KLHL3: variants seen among roughly 807,000 people sequenced by gnomAD.
KLHL3 encodes kelch-like protein 3.
In KLHL3, 19 loss-of-function variants were observed where a neutral mutation model predicts 70.5. The observed-to-expected ratio is 0.27, with a 90% CI of 0.19 to 0.40. The LOEUF (loss-of-function observed/expected upper bound fraction) is 0.40. KLHL3 is among the 10% of genes least tolerant of loss of function. The pLI, the probability that KLHL3 is intolerant of heterozygous loss-of-function variation, is 1.00. For missense variants in KLHL3, 512 were observed against 771.1 expected (o/e 0.66, Z 3.98); for synonymous variants, 258 against 290.3 (o/e 0.89, Z 1.13).
chr5:137,674,172 TACCATTAC>T (rs1446325742), intron 6 of KLHL3, among the ~76,000 whole-genome samples: 2 of 152,324 alleles, frequency 1.3e-5, no homozygotes, highest in South Asian at 2.1e-4. Context: ...GATACTATAC[TACCATTAC>T]TCACCTTTTA....
chr5:137,720,890 T>C, intron 1 of KLHL3: 1 of 1,146,128 alleles, frequency 8.7e-7, no homozygotes, highest in Non-Finnish European at 1.1e-6. Flanking sequence ...ACTCTATCAC[T>C]CACTTCACAG....
chr5:137,656,573 A>T (rs571243430), intron 8 of KLHL3, among the ~76,000 whole-genome samples: 1 of 152,376 alleles, frequency 6.6e-6, no homozygotes, highest in African/African-American at 2.4e-5. Flanking sequence ...ACATATGTCT[A>T]TAATTAAAGA....
At chr5:137,712,452 C>T (rs888928410) in intron 2 of KLHL3, among the ~76,000 whole-genome samples, 3 of 152,170 alleles carry the variant, frequency 2.0e-5, no homozygotes, top group African/African-American at 7.2e-5. Context: ...GAAACACTAA[C>T]CTGGGAAATT....
chr5:137,693,757 G>T (rs1175225697), intron 4 of KLHL3, among the ~76,000 whole-genome samples: 1 of 152,162 alleles, frequency 6.6e-6, no homozygotes, highest in Admixed American at 6.5e-5. Context: ...GAGAGTGACT[G>T]AGCCAGCTAC....
At chr5:137,689,630 A>G (rs1561607340) in intron 5 of KLHL3, among the ~76,000 whole-genome samples, 1 of 152,228 alleles carries the variant, frequency 6.6e-6, no homozygotes, top group Admixed American at 6.5e-5. Context: ...CTGGGTGCCT[A>G]TGGACATAAA....
chr5:137,639,893 T>C lies in KLHL3; in HGVS notation c.988A>G (p.Ile330Val), dbSNP rs751773883. The change falls in exon 9 of 15, where the codon ATT (isoleucine) becomes GTT (valine). Residue 330 changes from isoleucine to valine, a missense_variant. Coordinates refer to ENST00000309755, the MANE Select transcript of KLHL3 (RefSeq NM_017415.3). The surrounding 1 kb of genome is among the most constrained non-coding windows in gnomAD (Gnocchi z 5.0). ...YDFEEDRWDQ[I>V]AELPSRRCRA... ...CATCTTCTGGAAGGAAGCTCAGCAA[T>C]CTGATCCCACCGGTCCTCCTCGAAA... The C allele has an allele frequency of 1.2e-6, 2 of 1,614,122 alleles. No homozygotes were observed. The highest frequency in any genetic ancestry group is 1.7e-5 in the Admixed American group (1 of 60,022).
intron 13 of KLHL3, among the ~76,000 whole-genome samples, chr5:137,627,352 T>C (rs1206416818): frequency 2.0e-5 from 3 of 152,146 alleles, no homozygotes; most frequent in Non-Finnish European, 2.9e-5. Flanking sequence ...ACATCTAAAC[T>C]GAATTCCCAG....
intron 3 of KLHL3, chr5:137,706,194 A>G (rs1209312920): frequency 1.5e-5 from 15 of 985,310 alleles, no homozygotes; most frequent in Non-Finnish European, 1.8e-5. Context: ...GTAAAAGACC[A>G]TAATCACACA....
intron 8 of KLHL3, among the ~76,000 whole-genome samples, chr5:137,641,757 A>C (rs549314525): frequency 6.6e-6 from 1 of 152,304 alleles, no homozygotes; most frequent in East Asian, 1.9e-4. Context: ...GACTTAGTCC[A>C]TAGCTGTCTG....
intron 6 of KLHL3, among the ~76,000 whole-genome samples, chr5:137,662,808 G>A (rs1751514905): frequency 6.6e-6 from 1 of 152,172 alleles, no homozygotes; most frequent in Non-Finnish European, 1.5e-5. Flanking sequence ...GGGGAGGGAA[G>A]TATTGGCAAT....
chr5:137,663,344 A>ACCAGCC (rs1751533475), intron 6 of KLHL3, among the ~76,000 whole-genome samples: 1 of 151,910 alleles, frequency 6.6e-6, no homozygotes, highest in Non-Finnish European at 1.5e-5. Context: ...AGCGTGAGCC[A>ACCAGCC]CCAGCCCCAG....
At position 137,735,695 on chromosome 5, in the gene KLHL3, G is replaced by A; in HGVS notation, c.-49C>T. The A allele has an allele frequency of 6.2e-7, 1 of 1,613,902 alleles. No individual in the cohort carries two copies. The highest frequency in any genetic ancestry group is 8.5e-7 in the Non-Finnish European group (1 of 1,179,790). On this transcript the variant is annotated 5_prime_UTR_variant, in exon 1 of 15. Transcript: ENST00000309755. Reference sequence around the variant, plus strand: ...TAGCTGCTGAACTGTGTATGCACTCGGGGATCCTAGTTCTGTTCTTGATTC... The same window carrying A: ...TAGCTGCTGAACTGTGTATGCACTCAGGGATCCTAGTTCTGTTCTTGATTC...
intron 4 of KLHL3, among the ~76,000 whole-genome samples, chr5:137,693,858 C>T (rs1433381501): frequency 1.3e-5 from 2 of 151,200 alleles, no homozygotes; most frequent in Non-Finnish European, 2.9e-5. Flanking sequence ...TTGAAAAAGA[C>T]TTCTTTTTTT....
chr5:137,656,282 A>T (rs1399155734), intron 8 of KLHL3, among the ~76,000 whole-genome samples: 1 of 152,188 alleles, frequency 6.6e-6, no homozygotes. Context: ...ATAGTGCATA[A>T]ATACAATTAA....
In KLHL3 at chr5:137,639,563, G is replaced by A. The variant is rs1750856986; in HGVS notation, c.1021+297C>T. 6.6e-6 allele frequency among the ~76,000 whole-genome samples: 1 copy of A among 151,952 alleles called. No individual in the cohort carries two copies. Among genetic ancestry groups the A allele is most frequent in the Non-Finnish European group, 1.5e-5 (1 of 67,984 alleles). On this transcript the variant is annotated intron_variant, in intron 9 of 14. Coordinates refer to ENST00000309755, the MANE Select transcript of KLHL3 (RefSeq NM_017415.3). This position sits in a 1 kb window ranked among gnomAD's most constrained non-coding sequence, Gnocchi z 5.0. ...GCAAAAATTAGCTGGGCATGGTGGT[G>A]CACGCCTGTAATCCCAGCTACTTGG... is the stretch of plus-strand genomic sequence containing the variant.
chr5:137,625,838 G>A lies in KLHL3; in HGVS notation c.1650C>T (p.Asn550=). 1 of 1,614,174 alleles carries A rather than the reference G, an allele frequency of 6.2e-7. No homozygotes were observed. Among genetic ancestry groups the A allele is most frequent in the Non-Finnish European group, 8.5e-7 (1 of 1,180,030 alleles). The change falls in exon 14 of 15, where the codon AAC becomes AAT. Residue 550 remains asparagine (N), a synonymous_variant. Coordinates refer to ENST00000309755, the MANE Select transcript of KLHL3 (RefSeq NM_017415.3). ...GATTGTAGTACTCCACCGAAGCCAA[G>A]TTGCAGGATCCATCATCCCCTCCAA... ...YVVGGDDGSC[N]LASVEYYNPV... is the part of the protein sequence containing the mutation.
At chr5:137,725,704 C>T (rs1423048558) in intron 1 of KLHL3, among the ~76,000 whole-genome samples, 1 of 152,236 alleles carries the variant, frequency 6.6e-6, no homozygotes, top group Non-Finnish European at 1.5e-5. Context: ...TGAATCTAGT[C>T]AACTTTGTCA....
intron 6 of KLHL3, chr5:137,673,553 T>A (rs995312646): frequency 6.6e-6 from 1 of 152,152 alleles, no homozygotes. Context: ...AGAGCAAAAA[T>A]GGCAAGGATT....
At position 137,707,234 on chromosome 5, in the gene KLHL3, G is replaced by C. The variant is rs185482197; in HGVS notation, c.241+2516C>G. Among the ~76,000 whole-genome samples, 332 of 152,308 alleles carry C rather than the reference G, an allele frequency of 2.2e-3. 1 individual carries two copies. Among genetic ancestry groups the C allele is most frequent in the African/African-American group, 7.8e-3 (325 of 41,560 alleles). On this transcript the variant is annotated intron_variant, in intron 3 of 14. Coordinates refer to ENST00000309755, the MANE Select transcript of KLHL3 (RefSeq NM_017415.3). The stretch of plus-strand genomic sequence containing the variant: ...GGATCACTTGAGGCCAGGAGTTCAA[G>C]ATTGCCTTGCCAACATGGCAAAACC...
Sources: allele counts gnomAD v4.1 joint callset (sites outside exome capture counted in the v4.1 genomes callset), GRCh38; gene constraint gnomAD v4.1.1; non-coding constraint Gnocchi (gnomAD v3.1); transcripts MANE v1.5; gene names NCBI Gene and HGNC (gene_info 2026-07-23, HGNC 2026-07-21).